Variants in ASB10 observed in about 807,000 individuals in gnomAD.
The protein encoded by ASB10 is ankyrin repeat and SOCS box protein 10.
In ASB10, 44 loss-of-function variants were observed where a neutral mutation model predicts 35.4. The ratio of observed to expected loss-of-function variants is 1.24; its 90% confidence interval spans 0.98 to 1.60. ASB10 has a LOEUF of 1.60. Among genes scored for constraint, ASB10 ranks in the 40% most tolerant of loss-of-function variants. The probability of loss-of-function intolerance (pLI) is 0.00; values close to 1 mark genes in which losing one functional copy is unlikely to be tolerated. For synonymous variants in ASB10, 294 were observed against 280.4 expected (o/e 1.05, Z -0.49); for missense variants, 647 against 634.3 (o/e 1.02, Z -0.22).
chr7:151,178,824 C>T (rs565683430), intron 3 of ASB10, among the ~76,000 whole-genome samples: 3 of 152,290 alleles, frequency 2.0e-5, no homozygotes, highest in East Asian at 3.9e-4. Flanking sequence ...CTTTTCCTCA[C>T]TCCTCCTCCA....
At chr7:151,184,400 A>T (rs550092595) in intron 2 of ASB10, among the ~76,000 whole-genome samples, 2 of 48,908 alleles carry the variant, frequency 4.1e-5, no homozygotes, top group South Asian at 4.1e-4. Context: ...GCGACAGAGT[A>T]AAAAAAAAAA....
At chr7:151,183,464 G>C (rs907117091) in intron 2 of ASB10, among the ~76,000 whole-genome samples, 8 of 152,142 alleles carry the variant, frequency 5.3e-5, no homozygotes, top group African/African-American at 1.9e-4. Context: ...CTGGAATACA[G>C]TGGCGTGATC....
In ASB10 at chr7:151,186,640, G is replaced by A. The variant is rs745407485; in HGVS notation, c.336C>T (p.Tyr112=). ...IRALRLWSLT[Y]EEELTTPLHV... ...GCAGTGGGGTGGTCAGCTCCTCTTC[G>A]TATGTCAGAGACCAGAGTCCTAGGG... The change falls in exon 2 of 6, where the codon TAC becomes TAT. Residue 112 remains tyrosine, a synonymous_variant. Coordinates refer to ENST00000420175, the MANE Select transcript of ASB10 (RefSeq NM_001142459.2). 53 of 1,610,294 alleles carry A rather than the reference G, an allele frequency of 3.3e-5. No homozygotes were observed. Among genetic ancestry groups the A allele is most frequent in the South Asian group, 9.9e-5 (9 of 90,706 alleles).
At chr7:151,185,409 G>A (rs921225119) in intron 2 of ASB10, among the ~76,000 whole-genome samples, 1 of 152,058 alleles carries the variant, frequency 6.6e-6, no homozygotes, top group African/African-American at 2.4e-5. Context: ...GTGAGCCACC[G>A]TGCCCGGCCA....
chr7:151,175,943 G>A lies in ASB10; in HGVS notation c.*24C>T. On this transcript the variant is annotated 3_prime_UTR_variant, in exon 6 of 6. Transcript: ENST00000420175. ...TGCAGGCTGGGGCATCTGCTTTCAG[G>A]CCCTCTCAAAAGGCCATGGACATCT... 1 of 862,338 alleles carries A rather than the reference G, an allele frequency of 1.2e-6. No homozygotes were observed. Among genetic ancestry groups the A allele is most frequent in the Non-Finnish European group, 1.7e-6 (1 of 588,326 alleles). The allele number at this position is 862,338 out of a possible 1,614,324, so 53.4% of individuals were successfully genotyped here. A position where few individuals can be genotyped will look rare whatever the true frequency, so the allele number is the denominator to read the frequency against.
chr7:151,186,707 C>T, intron 1 of ASB10, 48 bp from the exon 2 acceptor site: 1 of 1,563,884 alleles, frequency 6.4e-7, no homozygotes, highest in Non-Finnish European at 8.7e-7. Flanking sequence ...AGGCAGAGAC[C>T]TTCCAGCCAA....
At position 151,176,280 on chromosome 7, in the gene ASB10, G is replaced by C. The variant is rs1291965428; in HGVS notation, c.1236C>G (p.Tyr412Ter). The C allele has an allele frequency of 6.4e-7, 1 of 1,553,218 alleles. No individual in the cohort carries two copies. The highest frequency in any genetic ancestry group is 2.3e-5 in the East Asian group (1 of 44,298). ...GCCTCACCAAGGCGAAGAGGGAGGA[G>C]TAGAAACGCTGATGTTTCTGGGGGC... ...PETLQKHQRF[Y>*]SSLFALVRQP... The change falls in exon 5 of 6, where the codon TAC becomes TAG. Residue 412 changes from tyrosine (Y) to a stop codon, truncating the protein, a stop_gained. Coordinates refer to ENST00000420175, the MANE Select transcript of ASB10 (RefSeq NM_001142459.2). LOFTEE classifies it high-confidence loss of function.
At chr7:151,187,327 G>T, upstream of ASB10, 1 of 1,518,562 alleles carries the variant, frequency 6.6e-7, no homozygotes, top group Non-Finnish European at 8.9e-7. This position sits in a 1 kb window ranked among gnomAD's most constrained non-coding sequence, Gnocchi z 5.3. Flanking sequence ...TAGGCTATTG[G>T]GCAAGCTTTG....
At chr7:151,182,894 G>C (rs973037970) in intron 2 of ASB10, among the ~76,000 whole-genome samples, 11 of 152,176 alleles carry the variant, frequency 7.2e-5, no homozygotes, top group Admixed American at 6.5e-4. Context: ...TCATTATCCT[G>C]TCTGACTTTC....
In ASB10 at chr7:151,176,606, A is replaced by G; in HGVS notation, c.1175T>C (p.Leu392Pro). The G allele has an allele frequency of 6.4e-7, 1 of 1,551,440 alleles. No individual in the cohort carries two copies. The highest frequency in any genetic ancestry group is 2.0e-5 in the Admixed American group (1 of 50,998). The change falls in exon 4 of 6, where the codon CTT becomes CCT. Residue 392 changes from leucine (L) to proline (P), a missense_variant. Transcript: ENST00000420175. ...VLMNTYSVVQ[L>P]PEEAVGLVTP... ...CACCAGGCCGACGGCCTCCTCGGGA[A>G]GCTGCACAACACTGTAGGTGTTCAT...
At chr7:151,185,396 G>C (rs543571351) in intron 2 of ASB10, among the ~76,000 whole-genome samples, 9 of 152,218 alleles carry the variant, frequency 5.9e-5, no homozygotes, top group African/African-American at 1.7e-4. Flanking sequence ...TGGGATTACA[G>C]GTGTGAGCCA....
Position 151,181,135 on chromosome 7 carries a change from C to T in ASB10, c.908G>A (p.Arg303His), listed in dbSNP as rs104886479. 8.7e-6 allele frequency: 14 copies of T among 1,611,484 alleles called. No homozygotes were observed. Among genetic ancestry groups the T allele is most frequent in the Admixed American group, 6.7e-5 (4 of 59,962 alleles). ...CTCCACGACAGCTGCATGGCCACGGCGGCAGGCCAGGTGCAGGGGTCGCTG... is the reference window on the plus strand; with the variant it reads ...CTCCACGACAGCTGCATGGCCACGGTGGCAGGCCAGGTGCAGGGGTCGCTG... ...DKQRPLHLAC[R>H]RGHAAVVELL... Residue 303 changes from arginine (R) to histidine (H), a missense_variant, in exon 3 of 6, where the codon CGC becomes CAC. Arg to His is a conservative substitution (Grantham distance 29). Coordinates refer to ENST00000420175, the MANE Select transcript of ASB10 (RefSeq NM_001142459.2).
At chr7:151,181,607 T>C in intron 2 of ASB10, 149 bp from the exon 3 acceptor site, 2 of 1,185,124 alleles carry the variant, frequency 1.7e-6, no homozygotes, top group East Asian at 2.7e-5. Flanking sequence ...AGATCAACAG[T>C]GCCCTTCTTT....
At position 151,181,237 on chromosome 7, in the gene ASB10, G is replaced by A. The variant is rs757783697; in HGVS notation, c.806C>T (p.Thr269Ile). Residue 269 changes from threonine (T) to isoleucine (I), a missense_variant, in exon 3 of 6, where the codon ACC becomes ATC. By Grantham distance (89) the Thr-to-Ile change is moderately conservative. Transcript: ENST00000420175. Reference protein sequence around the residue: ...RCQSITDAEATTARCLQLCSL... With the variant: ...RCQSITDAEAITARCLQLCSL... ...GCACAGCTGCAGGCAGCGGGCGGTG[G>A]TGGCCTCGGCATCGGTGATGGACTG... 2.5e-6 allele frequency: 4 copies of A among 1,613,058 alleles called. 1 individual carries two copies. In the South Asian group the frequency reaches 4.4e-5, roughly 18 times the overall value.
In ASB10 at chr7:151,179,523, A is replaced by G. The variant is rs73478626; in HGVS notation, c.1104+1416T>C. ...CTACACCCATACGAACAAGCATCAA[A>G]GTCACATCCTGGATCCAGGTCCCCT... On this transcript the variant is annotated intron_variant, in intron 3 of 5. Transcript: ENST00000420175. 9.9e-3 allele frequency among the ~76,000 whole-genome samples: 1,505 copies of G among 152,310 alleles called. 24 individuals carry two copies. Among genetic ancestry groups the G allele is most frequent in the African/African-American group, 0.034 (1,413 of 41,544 alleles).
chr7:151,185,380 A>G (rs1355142262), intron 2 of ASB10, among the ~76,000 whole-genome samples: 2 of 152,010 alleles, frequency 1.3e-5, no homozygotes, highest in Non-Finnish European at 2.9e-5. Flanking sequence ...CAGCCTCCCA[A>G]AGTGCTGGGA....
chr7:151,185,174 C>T (rs1287102126), intron 2 of ASB10, among the ~76,000 whole-genome samples: 2 of 134,094 alleles, frequency 1.5e-5, no homozygotes, highest in Non-Finnish European at 3.1e-5. Flanking sequence ...AGTGCAGTGG[C>T]GCAATCTAAT....
upstream of ASB10, chr7:151,187,399 CGAG>C: frequency 6.5e-7 from 1 of 1,549,882 alleles, no homozygotes; most frequent in South Asian, 1.2e-5. The surrounding 1 kb of genome is among the most constrained non-coding windows in gnomAD (Gnocchi z 5.3). Context: ...CCTCTGTGGC[CGAG>C]GCAGTCAGCC....
chr7:151,185,348 G>A (rs545062938), intron 2 of ASB10, among the ~76,000 whole-genome samples: 2 of 151,952 alleles, frequency 1.3e-5, no homozygotes, highest in Admixed American at 1.3e-4. Context: ...CGAACTCCTG[G>A]CCTCAAGCAA....
Sources: gnomAD v4.1 joint callset for allele counts (sites outside exome capture counted in the v4.1 genomes callset) on GRCh38, gnomAD v4.1.1 for gene constraint, Gnocchi (gnomAD v3.1) non-coding constraint, MANE v1.5 for transcripts, NCBI Gene and HGNC (gene_info 2026-07-23, HGNC 2026-07-21) for gene names.